Variants in KCNH7 observed in about 807,000 individuals in gnomAD.
The protein encoded by KCNH7 is potassium voltage-gated channel subfamily H member 7.
A neutral mutation model predicts 120.8 loss-of-function variants in KCNH7; 49 were observed. The observed-to-expected ratio is 0.41, with a 90% CI of 0.32 to 0.51. The LOEUF (loss-of-function observed/expected upper bound fraction) is 0.51. KCNH7 is among the 20% of genes least tolerant of loss of function. KCNH7 has a pLI of 0.38. For missense variants in KCNH7, 1,097 were observed against 1,446.6 expected (o/e 0.76, Z 3.92); for synonymous variants, 547 against 516.1 (o/e 1.06, Z -0.81).
chr2:162,490,820 C>T (rs998184601), intron 6 of KCNH7, among the ~76,000 whole-genome samples: 1 of 152,180 alleles, frequency 6.6e-6, no homozygotes, highest in Non-Finnish European at 1.5e-5. Context: ...GTTAAGGGTG[C>T]TGCTGCAAAC....
chr2:162,670,413 C>T (rs1685304523), intron 2 of KCNH7, among the ~76,000 whole-genome samples: 1 of 127,266 alleles, frequency 7.9e-6, no homozygotes, highest in African/African-American at 3.1e-5. Flanking sequence ...GGTGGAGTTG[C>T]AGTGGGCTGA....
chr2:162,442,881 A>T (rs1688470456), intron 7 of KCNH7, among the ~76,000 whole-genome samples: 1 of 152,134 alleles, frequency 6.6e-6, no homozygotes, highest in Non-Finnish European at 1.5e-5. Flanking sequence ...AGAAATTACG[A>T]CTGTTCTTAT....
chr2:162,791,767 T>C (rs1683954195), intron 2 of KCNH7, among the ~76,000 whole-genome samples: 1 of 152,158 alleles, frequency 6.6e-6, no homozygotes, highest in Non-Finnish European at 1.5e-5. Flanking sequence ...TTGGATGTCC[T>C]TTACTTCTTT....
chr2:162,793,788 A>T (rs1684040319), intron 2 of KCNH7, among the ~76,000 whole-genome samples: 1 of 151,972 alleles, frequency 6.6e-6, no homozygotes, highest in African/African-American at 2.4e-5. Flanking sequence ...CAGGAGAGAA[A>T]AGCTCTGGAG....
rs917443386 is a variant in KCNH7 at position 162,541,520 on chromosome 2, T to C, written c.308-4440A>G. Among the ~76,000 whole-genome samples, 6 of 152,002 alleles carry C rather than the reference T, an allele frequency of 3.9e-5. 1 individual carries two copies. Among genetic ancestry groups the C allele is most frequent in the Non-Finnish European group, 8.8e-5 (6 of 67,980 alleles). On this transcript the variant is annotated intron_variant, in intron 2 of 15. Transcript: ENST00000332142. Reference sequence around the variant, plus strand: ...GGAATATTATGCAGCCAAAAAGGAATGAGATCAGGTCTTTTTCAGGGACAT... The same window carrying C: ...GGAATATTATGCAGCCAAAAAGGAACGAGATCAGGTCTTTTTCAGGGACAT...
intron 2 of KCNH7, among the ~76,000 whole-genome samples, chr2:162,670,486 A>AAAG (rs1553511739): frequency 7.9e-5 from 12 of 150,976 alleles, no homozygotes; most frequent in African/African-American, 2.2e-4. Flanking sequence ...AAAAAAAAAA[A>AAAG]AAAAAAGAAA....
intron 2 of KCNH7, among the ~76,000 whole-genome samples, chr2:162,741,258 A>G (rs1688120844): frequency 6.7e-6 from 1 of 149,686 alleles, no homozygotes; most frequent in African/African-American, 2.4e-5. Flanking sequence ...TATTAGTTAT[A>G]CATATTAATA....
intron 2 of KCNH7, among the ~76,000 whole-genome samples, chr2:162,683,962 C>T (rs1167989061): frequency 6.6e-6 from 1 of 151,968 alleles, no homozygotes; most frequent in African/African-American, 2.4e-5. Context: ...TACAAGGCTA[C>T]GGTAACGAAA....
intron 2 of KCNH7, among the ~76,000 whole-genome samples, chr2:162,827,647 T>G (rs12471684): frequency 0.6 from 91,298 of 151,922 alleles, 28,424 homozygotes; most frequent in South Asian, 0.84. Context: ...AGAATCTATG[T>G]TTAAGAACTG....
At chr2:162,708,525 T>G (rs1192285613) in intron 2 of KCNH7, among the ~76,000 whole-genome samples, 1 of 151,764 alleles carries the variant, frequency 6.6e-6, no homozygotes, top group East Asian at 1.9e-4. Flanking sequence ...GGGAGAGAGA[T>G]AGGTGAGAAT....
At chr2:162,742,622 CAACTAAT>C (rs1688175829) in intron 2 of KCNH7, among the ~76,000 whole-genome samples, 1 of 152,072 alleles carries the variant, frequency 6.6e-6, no homozygotes, top group Admixed American at 6.5e-5. Context: ...ATCTGCAATT[CAACTAAT>C]TGTATGTTTA....
chr2:162,753,170 C>T (rs1182834011), intron 2 of KCNH7, among the ~76,000 whole-genome samples: 1 of 151,608 alleles, frequency 6.6e-6, no homozygotes, highest in Non-Finnish European at 1.5e-5. Context: ...TTCTTTCTTA[C>T]TTGTTTGCTC....
At chr2:162,727,674 G>C (rs2105385287) in intron 2 of KCNH7, among the ~76,000 whole-genome samples, 1 of 152,252 alleles carries the variant, frequency 6.6e-6, no homozygotes, top group South Asian at 2.1e-4. Flanking sequence ...CCTTTTAGTA[G>C]CTCAATAGTA....
At chr2:162,459,797 G>C (rs917422752) in intron 6 of KCNH7, among the ~76,000 whole-genome samples, 1 of 152,004 alleles carries the variant, frequency 6.6e-6, no homozygotes, top group African/African-American at 2.4e-5. Flanking sequence ...GTGAATAGCG[G>C]TAAAGAAATG....
intron 4 of KCNH7, among the ~76,000 whole-genome samples, chr2:162,513,299 C>CTCCTTCCCTCCT (rs1691153608): frequency 9.3e-6 from 1 of 107,606 alleles, no homozygotes; most frequent in East Asian, 3.3e-4. Flanking sequence ...CCTTCCTTCC[C>CTCCTTCCCTCCT]TCCTTCCCTC....
At chr2:162,609,359 G>C (rs1360083834) in intron 2 of KCNH7, among the ~76,000 whole-genome samples, 1 of 152,124 alleles carries the variant, frequency 6.6e-6, no homozygotes, top group African/African-American at 2.4e-5. Flanking sequence ...GTTGAGACTA[G>C]AGAATGCATT....
intron 6 of KCNH7, among the ~76,000 whole-genome samples, chr2:162,468,567 A>G (rs1197979246): frequency 8.4e-6 from 1 of 118,404 alleles, no homozygotes; most frequent in South Asian, 2.7e-4. Flanking sequence ...GTTGCCCAGG[A>G]TGGAGTGCAG....
intron 2 of KCNH7, among the ~76,000 whole-genome samples, chr2:162,761,040 T>C (rs1399660646): frequency 6.6e-6 from 1 of 152,134 alleles, no homozygotes; most frequent in African/African-American, 2.4e-5. Flanking sequence ...GTCAGGTGGA[T>C]ACATTACAGC....
intron 8 of KCNH7, among the ~76,000 whole-genome samples, chr2:162,434,997 C>T (rs886908964): frequency 3.3e-5 from 5 of 151,960 alleles, no homozygotes; most frequent in African/African-American, 1.2e-4. Context: ...CCCATAGTTC[C>T]CTAAGGTTCA....
Sources: gnomAD v4.1 joint callset for allele counts (sites outside exome capture counted in the v4.1 genomes callset) on GRCh38, gnomAD v4.1.1 for gene constraint, MANE v1.5 for transcripts, NCBI Gene and HGNC (gene_info 2026-07-23, HGNC 2026-07-21) for gene names.